Variants in SLC39A11 observed in about 807,000 individuals in gnomAD.
The protein encoded by SLC39A11 is zinc transporter ZIP11.
A neutral mutation model predicts 36.1 loss-of-function variants in SLC39A11; 33 were observed. The observed-to-expected ratio is 0.91, with a 90% CI of 0.69 to 1.22. The LOEUF is 1.22. Among genes scored for constraint, SLC39A11 ranks in the 50% most tolerant of loss-of-function variants. The pLI, the probability that SLC39A11 is intolerant of heterozygous loss-of-function variation, is 0.00. For synonymous variants in SLC39A11, 166 were observed against 170.3 expected (o/e 0.97, Z 0.20); for missense variants, 432 against 430.3 (o/e 1.00, Z -0.03).
intron 3 of SLC39A11, 28 bp from the exon 4 acceptor site, chr17:73,031,742 G>T: frequency 6.2e-7 from 1 of 1,609,120 alleles, no homozygotes; most frequent in Non-Finnish European, 8.5e-7. Context: ...AGAGATAAAC[G>T]TTAAAGCAAC....
intron 3 of SLC39A11, among the ~76,000 whole-genome samples, chr17:73,037,378 A>G (rs2058955519): frequency 6.6e-6 from 1 of 152,228 alleles, no homozygotes; most frequent in Non-Finnish European, 1.5e-5. Context: ...ATCTGGGTGT[A>G]GTGACATATG....
At chr17:72,922,858 C>T (rs1210570338) in intron 5 of SLC39A11, among the ~76,000 whole-genome samples, 1 of 145,706 alleles carries the variant, frequency 6.9e-6, no homozygotes, top group African/African-American at 2.5e-5. Context: ...GTCCCCGCTA[C>T]TCGGGAGGCT....
intron 6 of SLC39A11, among the ~76,000 whole-genome samples, chr17:72,809,199 T>TTTTC: frequency 9.8e-6 from 1 of 102,328 alleles, no homozygotes; most frequent in South Asian, 3.2e-4. Context: ...TTTCTTTTCT[T>TTTTC]TCTCTCTCTC....
At chr17:73,065,036 G>A (rs2059958158) in intron 3 of SLC39A11, among the ~76,000 whole-genome samples, 1 of 152,044 alleles carries the variant, frequency 6.6e-6, no homozygotes, top group African/African-American at 2.4e-5. Context: ...TATAAAATGA[G>A]ACAGAGTCTC....
chr17:72,980,753 G>A (rs909096697), intron 4 of SLC39A11, among the ~76,000 whole-genome samples: 4 of 152,142 alleles, frequency 2.6e-5, no homozygotes, highest in African/African-American at 7.2e-5. Flanking sequence ...GGCTGGGCAC[G>A]GTGGCTCATG....
chr17:72,781,699 G>A (rs773890356), intron 6 of SLC39A11, among the ~76,000 whole-genome samples: 14 of 152,126 alleles, frequency 9.2e-5, no homozygotes, highest in Non-Finnish European at 1.5e-4. Context: ...GATTACAGGC[G>A]TGAGCCACTG....
intron 4 of SLC39A11, among the ~76,000 whole-genome samples, chr17:72,982,303 C>T (rs2088386716): frequency 6.6e-6 from 1 of 152,152 alleles, no homozygotes; most frequent in South Asian, 2.1e-4. Context: ...ACTGTATAAT[C>T]CCACTTTCAG....
chr17:72,732,548 C>T (rs1001199570), intron 7 of SLC39A11, among the ~76,000 whole-genome samples: 10 of 152,164 alleles, frequency 6.6e-5, no homozygotes, highest in Admixed American at 1.3e-4. Context: ...TTTTGTCCCT[C>T]GGTTCGGGTC....
chr17:72,721,179 C>T (rs2073658772), intron 7 of SLC39A11, among the ~76,000 whole-genome samples: 1 of 151,660 alleles, frequency 6.6e-6, no homozygotes, highest in African/African-American at 2.4e-5. Context: ...TCACTGCAAC[C>T]TCTGCCTGCT....
chr17:72,920,599 C>T lies in SLC39A11; in HGVS notation c.430+27153G>A, dbSNP rs368631303. 1.0e-4 allele frequency among the ~76,000 whole-genome samples: 15 copies of T among 150,656 alleles called. 1 individual carries two copies. Among genetic ancestry groups the T allele is most frequent in the African/African-American group, 2.0e-4 (8 of 40,978 alleles). On this transcript the variant is annotated intron_variant, in intron 5 of 9. Coordinates refer to ENST00000255559, the MANE Select transcript of SLC39A11 (RefSeq NM_139177.4). ...CATACACACACACCCTCTTCCCACCCCCTCTACAACTACACCCCATACACA... is the reference window on the plus strand; with the variant it reads ...CATACACACACACCCTCTTCCCACCTCCTCTACAACTACACCCCATACACA...
chr17:72,681,557 G>A (rs150816581), intron 7 of SLC39A11, among the ~76,000 whole-genome samples: 225 of 152,302 alleles, frequency 1.5e-3, no homozygotes, highest in Non-Finnish European at 2.8e-3. Context: ...TATCACAGCC[G>A]CAGACATCTA....
At chr17:72,809,229 T>TCTCTC (rs1568127723) in intron 6 of SLC39A11, among the ~76,000 whole-genome samples, 2 of 131,394 alleles carry the variant, frequency 1.5e-5, no homozygotes, top group African/African-American at 3.3e-5. Context: ...CTCTCTCTCT[T>TCTCTC]TCTTTCTGCC....
intron 7 of SLC39A11, among the ~76,000 whole-genome samples, chr17:72,733,615 C>T (rs570137893): frequency 6.6e-6 from 1 of 152,284 alleles, no homozygotes; most frequent in South Asian, 2.1e-4. Flanking sequence ...TGGCCTCATG[C>T]GGCCTTATTC....
At chr17:73,017,601 T>C (rs1020462802) in intron 4 of SLC39A11, among the ~76,000 whole-genome samples, 1 of 152,058 alleles carries the variant, frequency 6.6e-6, no homozygotes, top group Non-Finnish European at 1.5e-5. Flanking sequence ...TAATCCCAGC[T>C]ACTTGGGAGG....
chr17:72,919,979 A>G (rs1598416958), intron 5 of SLC39A11, among the ~76,000 whole-genome samples: 1 of 152,292 alleles, frequency 6.6e-6, no homozygotes, highest in East Asian at 1.9e-4. Context: ...TTTGAGATCA[A>G]TGGACTGCCA....
At chr17:72,865,367 A>G (rs1177175449) in intron 5 of SLC39A11, among the ~76,000 whole-genome samples, 1 of 146,360 alleles carries the variant, frequency 6.8e-6, no homozygotes, top group African/African-American at 2.5e-5. Flanking sequence ...GACAAAAAGG[A>G]TGCTCATATG....
At chr17:72,975,442 AAAAAT>A (rs1451906480) in intron 4 of SLC39A11, among the ~76,000 whole-genome samples, 1 of 152,204 alleles carries the variant, frequency 6.6e-6, no homozygotes, top group Non-Finnish European at 1.5e-5. Flanking sequence ...CTTCATCTCA[AAAAAT>A]AAAATAAATT....
chr17:72,748,671 A>G (rs2075039431), intron 6 of SLC39A11, among the ~76,000 whole-genome samples: 1 of 152,206 alleles, frequency 6.6e-6, no homozygotes. Context: ...CTCGGAGTCA[A>G]TTTCAATTTG....
intron 6 of SLC39A11, among the ~76,000 whole-genome samples, chr17:72,821,306 C>T (rs1487096001): frequency 6.7e-6 from 1 of 149,932 alleles, no homozygotes; most frequent in Admixed American, 6.7e-5. Flanking sequence ...AATTGGAGAC[C>T]TGCTTGGCCA....
Sources: allele counts gnomAD v4.1 joint callset (sites outside exome capture counted in the v4.1 genomes callset), GRCh38; gene constraint gnomAD v4.1.1; transcripts MANE v1.5; gene names NCBI Gene and HGNC (gene_info 2026-07-23, HGNC 2026-07-21).